SLC12A2: variants seen among roughly 807,000 people sequenced by gnomAD.
SLC12A2 encodes Na-K-2Cl cotransporter 1.
Under a neutral mutation model 136.3 loss-of-function variants are expected in SLC12A2, and 67 were observed. The ratio of observed to expected loss-of-function variants is 0.49; its 90% CI spans 0.40 to 0.60. The LOEUF (loss-of-function observed/expected upper bound fraction) is 0.60, where lower values mean the gene tolerates loss of function less well. SLC12A2 is among the 20% of genes least tolerant of loss of function. The pLI is 0.00. For synonymous variants in SLC12A2, 619 were observed against 562.9 expected (o/e 1.10, Z -1.41); for missense variants, 1,322 against 1,534.7 (o/e 0.86, Z 2.32).
intron 9 of SLC12A2, among the ~76,000 whole-genome samples, chr5:128,140,347 C>T (rs1414402392): frequency 2.0e-5 from 3 of 152,092 alleles, no homozygotes; most frequent in Admixed American, 6.6e-5. Flanking sequence ...CCTTAGAATT[C>T]ACACACAAAT....
chr5:128,108,294 C>A (rs1158462725), intron 1 of SLC12A2, among the ~76,000 whole-genome samples: 1 of 152,138 alleles, frequency 6.6e-6, no homozygotes, highest in African/African-American at 2.4e-5. Flanking sequence ...TCCAGCAATT[C>A]CACTCATAGG....
At chr5:128,159,153 G>A (rs1456674602) in intron 16 of SLC12A2, among the ~76,000 whole-genome samples, 1 of 151,890 alleles carries the variant, frequency 6.6e-6, no homozygotes, top group Non-Finnish European at 1.5e-5. Flanking sequence ...TGTCCTTGTA[G>A]AGTGGTTTGG....
chr5:128,151,395 A>G lies in SLC12A2; in HGVS notation c.2262A>G (p.Pro754=). ...ATATTTATGTTACCTACAAAAAACC[A>G]GGTCAGTAGCCTTTTTTGTTTATAT... is the stretch of plus-strand genomic sequence containing the variant. ...GLYIYVTYKK[P]DVNWGSSTQA... The change falls in exon 14 of 27, where the codon CCA becomes CCG. Residue 754 remains proline (P), a splice_region_variant and synonymous_variant. Transcript: ENST00000262461. The G allele has an allele frequency of 6.2e-7, 1 of 1,606,784 alleles. No homozygotes were observed. Among genetic ancestry groups the G allele is most frequent in the Non-Finnish European group, 8.5e-7 (1 of 1,178,064 alleles).
At chr5:128,166,885 G>A (rs538524441) in intron 17 of SLC12A2, among the ~76,000 whole-genome samples, 1 of 152,062 alleles carries the variant, frequency 6.6e-6, no homozygotes, top group East Asian at 1.9e-4. Flanking sequence ...ATTTTCTAAT[G>A]TGTTTAAAAA....
chr5:128,142,067 T>C, intron 10 of SLC12A2, 86 bp downstream of exon 10: 1 of 1,125,746 alleles, frequency 8.9e-7, no homozygotes, highest in Non-Finnish European at 1.3e-6. Context: ...AGAATATAGC[T>C]GTAACATAGA....
At chr5:128,110,244 C>G in intron 1 of SLC12A2, 2 of 806,454 alleles carry the variant, frequency 2.5e-6, no homozygotes. Context: ...AACATCCATC[C>G]GACCTTTTCC....
chr5:128,107,160 TGGG>T (rs1337384502), intron 1 of SLC12A2, among the ~76,000 whole-genome samples: 1 of 152,214 alleles, frequency 6.6e-6, no homozygotes, highest in Non-Finnish European at 1.5e-5. Flanking sequence ...TCTTATTATT[TGGG>T]ATTGTCCCTG....
At chr5:128,125,525 G>T (rs1265103950) in intron 4 of SLC12A2, among the ~76,000 whole-genome samples, 1 of 152,066 alleles carries the variant, frequency 6.6e-6, no homozygotes, top group Non-Finnish European at 1.5e-5. Flanking sequence ...CTGATTTGTA[G>T]ATTTTTCTAT....
At chr5:128,115,045 T>C (rs1198855594) in intron 4 of SLC12A2, among the ~76,000 whole-genome samples, 1 of 152,152 alleles carries the variant, frequency 6.6e-6, no homozygotes, top group African/African-American at 2.4e-5. Context: ...CCCACCTCCA[T>C]CCCCTATTGA....
intron 12 of SLC12A2, 99 bp from the exon 13 acceptor site, chr5:128,149,898 G>T (rs1762643941): frequency 1.3e-6 from 1 of 792,010 alleles, no homozygotes; most frequent in South Asian, 1.5e-5. Context: ...TGGTGGTTAT[G>T]GGGTGTTACG....
At chr5:128,171,920 CGTT>C (rs1471951276) in intron 19 of SLC12A2, 174 bp downstream of exon 19, 1 of 467,824 alleles carries the variant, frequency 2.1e-6, no homozygotes, top group African/African-American at 2.0e-5. Flanking sequence ...TGTGTTTTCT[CGTT>C]GTACCAACCT....
chr5:128,170,501 T>C (rs866801386), intron 18 of SLC12A2: 2 of 152,216 alleles, frequency 1.3e-5, no homozygotes, highest in Admixed American at 6.5e-5. Flanking sequence ...TTGACTGTTT[T>C]ATTGGATTTT....
intron 4 of SLC12A2, among the ~76,000 whole-genome samples, chr5:128,119,320 A>G (rs1464940682): frequency 6.6e-6 from 1 of 152,196 alleles, no homozygotes; most frequent in African/African-American, 2.4e-5. Flanking sequence ...TTAAAACACT[A>G]TTCAAAGGTT....
chr5:128,163,518 G>A (rs1046616217), intron 17 of SLC12A2, among the ~76,000 whole-genome samples: 1 of 151,578 alleles, frequency 6.6e-6, no homozygotes, highest in South Asian at 2.1e-4. Context: ...GATAGAGCGA[G>A]ACCCCATCTC....
At chr5:128,126,210 C>T (rs1189431525) in intron 4 of SLC12A2, among the ~76,000 whole-genome samples, 1 of 152,074 alleles carries the variant, frequency 6.6e-6, no homozygotes, top group Admixed American at 6.6e-5. Flanking sequence ...ATATAAGGAG[C>T]TCAAACAACT....
At chr5:128,097,861 G>C (rs1000087188) in intron 1 of SLC12A2, among the ~76,000 whole-genome samples, 17 of 152,010 alleles carry the variant, frequency 1.1e-4, no homozygotes, top group Admixed American at 2.0e-4. Flanking sequence ...GGCACTTCTT[G>C]TAATGGAGGT....
At chr5:128,095,417 G>A (rs1390920680) in intron 1 of SLC12A2, among the ~76,000 whole-genome samples, 1 of 152,042 alleles carries the variant, frequency 6.6e-6, no homozygotes, top group African/African-American at 2.4e-5. Context: ...TTTGAAACCA[G>A]GTCTCGGTAT....
chr5:128,131,272 C>T, intron 5 of SLC12A2, 66 bp downstream of exon 5: 1 of 1,511,696 alleles, frequency 6.6e-7, no homozygotes, highest in Non-Finnish European at 9.2e-7. Flanking sequence ...TGCCGATCAC[C>T]ATGTTAGAGG....
At chr5:128,150,362 A>G (rs1019511741) in intron 13 of SLC12A2, among the ~76,000 whole-genome samples, 2 of 151,844 alleles carry the variant, frequency 1.3e-5, no homozygotes, top group Admixed American at 6.6e-5. Flanking sequence ...TAAAAAAACT[A>G]GTTTTTCAGT....
Sources: allele counts gnomAD v4.1 joint callset (sites outside exome capture counted in the v4.1 genomes callset), GRCh38; gene constraint gnomAD v4.1.1; transcripts MANE v1.5; gene names NCBI Gene and HGNC (gene_info 2026-07-23, HGNC 2026-07-21).